TIAM1: variants seen among roughly 807,000 people sequenced by gnomAD.
TIAM1 encodes the protein rho guanine nucleotide exchange factor TIAM1.
TIAM1 carries 65 observed loss-of-function variants against 163.5 expected under a neutral mutation model. The observed-to-expected ratio is 0.40, with a 90% CI of 0.33 to 0.49. The LOEUF is 0.49. Among genes scored for constraint, TIAM1 ranks in the 20% least tolerant of loss-of-function variants. The probability of loss-of-function intolerance (pLI) is 0.77; values close to 1 mark genes in which losing one functional copy is unlikely to be tolerated. For synonymous variants in TIAM1, 833 were observed against 810.1 expected, an observed-to-expected ratio of 1.03 and a Z score of -0.48; for missense variants, 1,789 against 2,044.7, an observed-to-expected ratio of 0.87 and a Z score of 2.41.
At chr21:31,259,388 C>T (rs34706462) in intron 4 of TIAM1, among the ~76,000 whole-genome samples, 3 of 151,954 alleles carry the variant, frequency 2.0e-5, no homozygotes, top group Admixed American at 1.3e-4. Flanking sequence ...CCTCCCACCT[C>T]GGCCTCCCAA....
At chr21:31,383,550 G>A (rs1242581791) in intron 2 of TIAM1, among the ~76,000 whole-genome samples, 3 of 152,034 alleles carry the variant, frequency 2.0e-5, no homozygotes, top group East Asian at 1.9e-4. Context: ...TCAGAGATTC[G>A]CCAAACTGAT....
intron 2 of TIAM1, among the ~76,000 whole-genome samples, chr21:31,432,188 C>T (rs1442994621): frequency 6.7e-6 from 1 of 150,326 alleles, no homozygotes; most frequent in Admixed American, 6.7e-5. Context: ...GCAACCTCCA[C>T]CTCCCGGGTT....
In TIAM1 at chr21:31,127,156, A is replaced by G; in HGVS notation, c.4046-4T>C. ...CACACGGCATTTGCCTCTGCATCTA[A>G]AGAAATTAAAACAACAATGAATCAG... On this transcript the variant is annotated splice_polypyrimidine_tract_variant and splice_region_variant and intron_variant, in intron 25 of 27. Transcript: ENST00000541036. 1 of 1,613,304 alleles carries G rather than the reference A, an allele frequency of 6.2e-7. No individual in the cohort carries two copies.
intron 1 of TIAM1, among the ~76,000 whole-genome samples, chr21:31,546,664 A>G (rs2123298737): frequency 6.6e-6 from 1 of 152,280 alleles, no homozygotes; most frequent in South Asian, 2.1e-4. Flanking sequence ...ACACTGCTAG[A>G]GGTCAGAAAT....
chr21:31,298,966 G>A (rs545743112), intron 2 of TIAM1, among the ~76,000 whole-genome samples: 5 of 152,174 alleles, frequency 3.3e-5, no homozygotes, highest in South Asian at 2.1e-4. Context: ...AAATGTTATC[G>A]GAGGAGGGAG....
chr21:31,555,914 G>GA (rs2123337839), intron 1 of TIAM1, among the ~76,000 whole-genome samples: 1 of 152,224 alleles, frequency 6.6e-6, no homozygotes, highest in Admixed American at 6.5e-5. Context: ...CTGGGGGGAA[G>GA]GAGACAGGCC....
chr21:31,167,244 A>ACC (rs2084278362), intron 15 of TIAM1, among the ~76,000 whole-genome samples: 1 of 151,912 alleles, frequency 6.6e-6, no homozygotes, highest in African/African-American at 2.4e-5. Flanking sequence ...GGTGTGCACC[A>ACC]CCATGTCCGG....
intron 2 of TIAM1, among the ~76,000 whole-genome samples, chr21:31,455,737 A>T (rs755324982): frequency 6.6e-6 from 1 of 152,228 alleles, no homozygotes; most frequent in Non-Finnish European, 1.5e-5. Context: ...AAAATGCAGA[A>T]CCAGATTCTA....
intron 14 of TIAM1, among the ~76,000 whole-genome samples, chr21:31,184,457 C>G (rs2085187148): frequency 1.3e-5 from 2 of 152,126 alleles, no homozygotes; most frequent in African/African-American, 2.4e-5. Context: ...TCTAGACACG[C>G]CAGGTGTTGG....
chr21:31,546,047 G>A (rs1317600319), intron 1 of TIAM1, among the ~76,000 whole-genome samples: 1 of 147,748 alleles, frequency 6.8e-6, no homozygotes, highest in Non-Finnish European at 1.5e-5. Context: ...TATACAGGAA[G>A]AGAAAAAAAT....
At chr21:31,454,378 G>C (rs539177798) in intron 2 of TIAM1, among the ~76,000 whole-genome samples, 1 of 152,224 alleles carries the variant, frequency 6.6e-6, no homozygotes, top group African/African-American at 2.4e-5. Context: ...TTAAGAGCAT[G>C]TCAGAAAACA....
chr21:31,352,815 C>T (rs1419920096), intron 2 of TIAM1, among the ~76,000 whole-genome samples: 1 of 150,854 alleles, frequency 6.6e-6, no homozygotes, highest in Non-Finnish European at 1.5e-5. Context: ...GCGAAGGTTG[C>T]AGTGAGCTGT....
intron 16 of TIAM1, among the ~76,000 whole-genome samples, chr21:31,155,799 C>G (rs1247823569): frequency 6.6e-6 from 1 of 152,242 alleles, no homozygotes; most frequent in Admixed American, 6.5e-5. Flanking sequence ...CCGCGCCCGG[C>G]CCCGGAAATT....
At chr21:31,264,864 G>A (rs774369864) in intron 4 of TIAM1, among the ~76,000 whole-genome samples, 11 of 152,078 alleles carry the variant, frequency 7.2e-5, no homozygotes, top group Non-Finnish European at 1.3e-4. Context: ...CAAGGCAAAC[G>A]GACCCAGTCT....
intron 1 of TIAM1, among the ~76,000 whole-genome samples, chr21:31,556,212 T>C (rs2048873405): frequency 6.6e-6 from 1 of 152,330 alleles, no homozygotes; most frequent in East Asian, 1.9e-4. Flanking sequence ...GAATCATTTC[T>C]GAGAGTTCAA....
rs752655801 is a variant in TIAM1 at position 31,245,478 on chromosome 21, C to T, written c.1584+10G>A. ...TTTGAAATGCCCTGCAAAGGAAGTG[C>T]CCAACAAACCTGAAAAAGGAAGGCA... On this transcript the variant is annotated intron_variant, in intron 6 of 27. Coordinates refer to ENST00000541036, the MANE Select transcript of TIAM1 (RefSeq NM_001353694.2). 13 of 1,473,018 alleles carry T rather than the reference C, an allele frequency of 8.8e-6. No homozygotes were observed. In the African/African-American group the frequency reaches 1.6e-4, roughly 18 times the overall value. The allele number at this position is 1,473,018 out of a possible 1,614,324, so 91.2% of individuals were successfully genotyped here.
chr21:31,427,412 G>C (rs1401890915), intron 2 of TIAM1, among the ~76,000 whole-genome samples: 1 of 151,900 alleles, frequency 6.6e-6, no homozygotes, highest in African/African-American at 2.4e-5. Flanking sequence ...GCGTGAACCT[G>C]GAAGGCGGGG....
intron 2 of TIAM1, among the ~76,000 whole-genome samples, chr21:31,405,169 T>A (rs916260233): frequency 3.3e-5 from 5 of 152,054 alleles, no homozygotes; most frequent in African/African-American, 1.2e-4. Context: ...GATCACTTGA[T>A]CCTAGGAGGT....
chr21:31,200,134 G>C (rs973791510), intron 12 of TIAM1, among the ~76,000 whole-genome samples: 8 of 152,058 alleles, frequency 5.3e-5, no homozygotes, highest in African/African-American at 1.9e-4. Flanking sequence ...CCAGTGCCTA[G>C]AACAGCTAGA....
Sources: gnomAD v4.1 joint callset for allele counts (sites outside exome capture counted in the v4.1 genomes callset) on GRCh38, gnomAD v4.1.1 for gene constraint, MANE v1.5 for transcripts, NCBI Gene and HGNC (gene_info 2026-07-23, HGNC 2026-07-21) for gene names.